COL6A6: variants seen among roughly 807,000 people sequenced by gnomAD.
COL6A6 encodes collagen alpha-6(VI) chain.
COL6A6 carries 183 observed loss-of-function variants against 208.6 expected under a neutral mutation model. That is an observed-to-expected ratio of 0.88 (90% CI 0.78 to 0.99). The LOEUF (loss-of-function observed/expected upper bound fraction) is 0.99. Ranked by LOEUF, COL6A6 falls within the 50% of genes least tolerant of loss-of-function variation. COL6A6 has a pLI of 0.00. For missense variants in COL6A6, 2,816 were observed against 2,815.2 expected (o/e 1.00, Z -0.01); for synonymous variants, 973 against 1,011.8 (o/e 0.96, Z 0.73).
intron 1 of COL6A6, among the ~76,000 whole-genome samples, chr3:130,520,987 G>A (rs897851733): frequency 6.6e-6 from 1 of 152,150 alleles, no homozygotes; most frequent in Non-Finnish European, 1.5e-5. Flanking sequence ...GAGGGAAGAA[G>A]AATAGAATAT....
chr3:130,671,541 CAA>C (rs952041411), intron 36 of COL6A6, among the ~76,000 whole-genome samples: 4 of 152,154 alleles, frequency 2.6e-5, no homozygotes, highest in African/African-American at 9.7e-5. Context: ...AGACTCTAAT[CAA>C]AAGTTATGAG....
chr3:130,650,893 G>A (rs538372541), intron 33 of COL6A6, among the ~76,000 whole-genome samples: 233 of 152,230 alleles, frequency 1.5e-3, no homozygotes, highest in Non-Finnish European at 2.7e-3. Context: ...TTGTAAGGGT[G>A]GTCACTCACC....
At chr3:130,648,632 T>G (rs1188542712) in intron 32 of COL6A6, among the ~76,000 whole-genome samples, 2 of 152,240 alleles carry the variant, frequency 1.3e-5, no homozygotes, top group African/African-American at 4.8e-5. Flanking sequence ...TTTTCTAAAA[T>G]TATCAGAGCT....
chr3:130,588,939 A>T (rs925027648), intron 11 of COL6A6, 151 bp from the exon 12 acceptor site: 7 of 395,210 alleles, frequency 1.8e-5, no homozygotes, highest in Admixed American at 1.3e-4. Context: ...AAAAAAAAAA[A>T]GTTTCATGCA....
In COL6A6 at chr3:130,650,146, T is replaced by A. The variant is rs138492187; in HGVS notation, c.5733+584T>A. Among the ~76,000 whole-genome samples the A allele has an allele frequency of 1.8e-4, 27 of 152,344 alleles. 1 individual carries two copies. The highest frequency in any genetic ancestry group is 5.8e-4 in the African/African-American group (24 of 41,584). On this transcript the variant is annotated intron_variant, in intron 33 of 36. Transcript: ENST00000358511. The stretch of plus-strand genomic sequence containing the variant: ...AATTCCCTGGGATTAAGATGACTGA[T>A]GATAACTTTAAAATATCCCGTTAAT...
At chr3:130,616,817 T>A (rs1240893404) in intron 23 of COL6A6, among the ~76,000 whole-genome samples, 1 of 152,158 alleles carries the variant, frequency 6.6e-6, no homozygotes, top group Non-Finnish European at 1.5e-5. Context: ...CTTTGTACCT[T>A]ACTAGCTCTG....
intron 1 of COL6A6, among the ~76,000 whole-genome samples, chr3:130,545,432 C>T (rs61601053): frequency 0.038 from 5,661 of 150,878 alleles, 379 homozygotes; most frequent in African/African-American, 0.13. Context: ...GGGTTTTCCA[C>T]CTCCTGGCTG....
chr3:130,598,485 T>C (rs1655043955), intron 19 of COL6A6, 55 bp downstream of exon 19: 1 of 1,229,324 alleles, frequency 8.1e-7, no homozygotes. Flanking sequence ...CTTAAGTTCT[T>C]GTTGGTAGAA....
intron 1 of COL6A6, among the ~76,000 whole-genome samples, chr3:130,547,366 G>A (rs920198513): frequency 9.8e-5 from 15 of 152,386 alleles, no homozygotes; most frequent in South Asian, 2.1e-4. Flanking sequence ...GCGGGGGCCC[G>A]CTGAGGCGGC....
chr3:130,606,822 T>A, intron 20 of COL6A6, 109 bp from the exon 21 acceptor site: 1 of 740,426 alleles, frequency 1.4e-6, no homozygotes, highest in Non-Finnish European at 2.2e-6. Context: ...AAGCACTATG[T>A]GGGAATTGTT....
chr3:130,593,285 G>T, intron 17 of COL6A6, 33 bp downstream of exon 17: 1 of 1,539,004 alleles, frequency 6.5e-7, no homozygotes, highest in Non-Finnish European at 9.0e-7. Flanking sequence ...CATAAAAATT[G>T]TACTGGGGAT....
At position 130,675,401 on chromosome 3, in the gene COL6A6, A is replaced by C. The variant is rs778638106; in HGVS notation, c.*4A>C. 3 of 1,567,176 alleles carry C rather than the reference A, an allele frequency of 1.9e-6. No homozygotes were observed. The highest frequency in any genetic ancestry group is 2.6e-6 in the Non-Finnish European group (3 of 1,157,876). On this transcript the variant is annotated 3_prime_UTR_variant, in exon 37 of 37. Coordinates refer to ENST00000358511, the MANE Select transcript of COL6A6 (RefSeq NM_001102608.3). Reference sequence around the variant, plus strand: ...TGCTCCCAAACAACATGATTAAAAAAATGCTTGAACAACTTAGCCTTAGGA... The same window carrying C: ...TGCTCCCAAACAACATGATTAAAAACATGCTTGAACAACTTAGCCTTAGGA...
chr3:130,593,661 T>C (rs1018570304), intron 17 of COL6A6, among the ~76,000 whole-genome samples: 1 of 152,172 alleles, frequency 6.6e-6, no homozygotes, highest in Non-Finnish European at 1.5e-5. Context: ...TCAATGCATA[T>C]TGCCAAACTC....
rs1373406573 is a variant in COL6A6 at position 130,563,461 on chromosome 3, C to T, written c.458C>T (p.Ala153Val). The stretch of plus-strand genomic sequence containing the variant: ...GATAATGTGGAAGAGGCATCAAAGG[C>T]CCTGCGGAAAGACGGAGTGAAAATC... ...SEDNVEEASK[A>V]LRKDGVKIIS... is the part of the protein sequence containing the mutation. The change falls in exon 3 of 37, where the codon GCC becomes GTC. Residue 153 changes from alanine (A) to valine (V), a missense_variant. Ala to Val is a moderately conservative substitution (Grantham distance 64, BLOSUM62 0). Transcript: ENST00000358511. 2 of 1,613,996 alleles carry T rather than the reference C, an allele frequency of 1.2e-6. No individual in the cohort carries two copies. The highest frequency in any genetic ancestry group is 8.5e-7 in the Non-Finnish European group (1 of 1,179,904).
Position 130,660,827 on chromosome 3 carries a change from A to G in COL6A6, c.5831-810A>G, listed in dbSNP as rs113024850. ...ACTGACTTCCTATATAGAAACTTCT[A>G]GAAATACTGGTGTGTCCTTAGGCAA... On this transcript the variant is annotated intron_variant, in intron 34 of 36. Coordinates refer to ENST00000358511, the MANE Select transcript of COL6A6 (RefSeq NM_001102608.3). 8.2e-3 allele frequency among the ~76,000 whole-genome samples: 1,246 copies of G among 152,342 alleles called. 17 individuals are homozygous for G. Among genetic ancestry groups the G allele is most frequent in the African/African-American group, 0.028 (1,176 of 41,578 alleles).
intron 1 of COL6A6, among the ~76,000 whole-genome samples, chr3:130,529,065 C>A: frequency 6.6e-6 from 1 of 152,128 alleles, no homozygotes; most frequent in Non-Finnish European, 1.5e-5. Flanking sequence ...TGCACTCCAG[C>A]CTGGGCAACA....
At chr3:130,613,018 T>G (rs1245492175) in intron 23 of COL6A6, among the ~76,000 whole-genome samples, 1 of 152,236 alleles carries the variant, frequency 6.6e-6, no homozygotes, top group African/African-American at 2.4e-5. Flanking sequence ...CAGAAGCTCT[T>G]TAGCTTAATT....
intron 19 of COL6A6, 73 bp from the exon 20 acceptor site, chr3:130,599,684 A>C: frequency 2.7e-6 from 4 of 1,501,802 alleles, no homozygotes; most frequent in Non-Finnish European, 3.7e-6. Context: ...CCCTGGAGTA[A>C]AAGTTGATGT....
intron 1 of COL6A6, among the ~76,000 whole-genome samples, chr3:130,528,413 C>T (rs114174887): frequency 6.6e-6 from 1 of 152,164 alleles, no homozygotes; most frequent in Non-Finnish European, 1.5e-5. Context: ...CTGAGGACCA[C>T]TCTTTAAGTA....
Sources: gnomAD v4.1 joint callset for allele counts (sites outside exome capture counted in the v4.1 genomes callset) on GRCh38, gnomAD v4.1.1 for gene constraint, MANE v1.5 for transcripts, NCBI Gene and HGNC (gene_info 2026-07-23, HGNC 2026-07-21) for gene names.